The following NYAP2 variants were observed in gnomAD, a reference collection of about 807,000 sequenced individuals.
The protein encoded by NYAP2 is neuronal tyrosine-phosphorylated phosphoinositide-3-kinase adapter 2.
In NYAP2, 23 loss-of-function variants were observed where a neutral mutation model predicts 50.4. The ratio of observed to expected loss-of-function variants is 0.46; its 90% CI spans 0.33 to 0.65. NYAP2 has a LOEUF of 0.65. NYAP2 is among the 30% of genes least tolerant of loss of function. NYAP2 has a pLI of 0.02. For missense variants in NYAP2, 885 were observed against 861.0 expected (o/e 1.03, Z -0.35); for synonymous variants, 394 against 365.2 (o/e 1.08, Z -0.90).
chr2:225,622,110 C>T (rs1021016608), intron 5 of NYAP2, among the ~76,000 whole-genome samples: 3 of 152,204 alleles, frequency 2.0e-5, no homozygotes, highest in Non-Finnish European at 4.4e-5. Context: ...CAGCTCACTG[C>T]AGCCTCGACC....
chr2:225,459,546 AT>A (rs1689790930), intron 3 of NYAP2, among the ~76,000 whole-genome samples: 2 of 152,240 alleles, frequency 1.3e-5, no homozygotes, highest in African/African-American at 4.8e-5. Context: ...AAATTGAATA[AT>A]TAAGCATATA....
At chr2:225,459,839 A>AT (rs575524310) in intron 3 of NYAP2, among the ~76,000 whole-genome samples, 210 of 151,766 alleles carry the variant, frequency 1.4e-3, no homozygotes, top group Non-Finnish European at 2.4e-3. Flanking sequence ...CGCCTGGCTA[A>AT]TTTTTTTGTG....
intron 3 of NYAP2, among the ~76,000 whole-genome samples, chr2:225,417,948 C>T (rs957994519): frequency 2.0e-5 from 3 of 150,928 alleles, no homozygotes; most frequent in Non-Finnish European, 4.4e-5. Flanking sequence ...GTGGAGAAGG[C>T]AGACAAAAAA....
chr2:225,695,787 C>G, the NYAP2 span, among the ~76,000 whole-genome samples: 377 of 151,980 alleles, frequency 2.5e-3, 2 homozygotes, highest in Non-Finnish European at 4.6e-3. Flanking sequence ...GGAACACAAA[C>G]TTATTCATTA....
rs554987271 is a variant in NYAP2 at position 225,601,301 on chromosome 2, A to T, written c.1618+18266A>T. Among the ~76,000 whole-genome samples, 18 of 152,008 alleles carry T rather than the reference A, an allele frequency of 1.2e-4. No homozygotes were observed. In the East Asian group the frequency reaches 3.5e-3, roughly 30 times the overall value. ...ACGACCAGCTAATTTTTGTATTTTT[A>T]GTAGAGACGGGGTTTCACCATGCTG... On this transcript the variant is annotated intron_variant, in intron 5 of 6. Coordinates refer to ENST00000636099, the Ensembl canonical transcript of NYAP2.
intron 4 of NYAP2, among the ~76,000 whole-genome samples, chr2:225,559,022 G>T (rs753463628): frequency 6.6e-6 from 1 of 152,080 alleles, no homozygotes; most frequent in Non-Finnish European, 1.5e-5. Context: ...ACAACCTGGA[G>T]AAATTGTTTT....
At chr2:225,694,465 A>G in the NYAP2 span, among the ~76,000 whole-genome samples, 6 of 152,088 alleles carry the variant, frequency 3.9e-5, no homozygotes, top group South Asian at 1.2e-3. Context: ...ACATCTTACT[A>G]TCAACAAAAA....
chr2:225,616,659 T>A (rs1451321368), intron 5 of NYAP2, among the ~76,000 whole-genome samples: 1 of 152,130 alleles, frequency 6.6e-6, no homozygotes, highest in Non-Finnish European at 1.5e-5. Flanking sequence ...AAATTAAAGA[T>A]TTTCAGAATT....
the NYAP2 span, among the ~76,000 whole-genome samples, chr2:225,688,755 A>G: frequency 1.3e-5 from 2 of 152,018 alleles, no homozygotes; most frequent in Non-Finnish European, 2.9e-5. Context: ...TTGTCTGTCT[A>G]TTTTTGAGAT....
intron 3 of NYAP2, among the ~76,000 whole-genome samples, chr2:225,477,653 A>G (rs978498238): frequency 2.0e-4 from 31 of 152,270 alleles, no homozygotes; most frequent in Admixed American, 1.8e-3. Flanking sequence ...ATAAGAGTCA[A>G]TCTTCTTCTC....
intron 4 of NYAP2, among the ~76,000 whole-genome samples, chr2:225,559,334 G>A (rs535688815): frequency 2.1e-3 from 229 of 110,610 alleles, no homozygotes; most frequent in African/African-American, 7.4e-3. Flanking sequence ...TTAAATGAAG[G>A]CATTGTACAA....
chr2:225,645,647 G>T (rs1277278764), intron 6 of NYAP2, among the ~76,000 whole-genome samples: 1 of 152,178 alleles, frequency 6.6e-6, no homozygotes, highest in Non-Finnish European at 1.5e-5. Flanking sequence ...GACTTAGGAA[G>T]AACAAGTGCC....
chr2:225,457,196 C>T, intron 3 of NYAP2, among the ~76,000 whole-genome samples: 1 of 152,192 alleles, frequency 6.6e-6, no homozygotes, highest in East Asian at 1.9e-4. Flanking sequence ...TATAATATCG[C>T]TGTCATGTGC....
intron 3 of NYAP2, among the ~76,000 whole-genome samples, chr2:225,439,785 G>T (rs2106139806): frequency 6.6e-6 from 1 of 152,196 alleles, no homozygotes; most frequent in Non-Finnish European, 1.5e-5. Flanking sequence ...CCTGAGATTG[G>T]GTAATTTATT....
At chr2:225,692,536 C>T in the NYAP2 span, among the ~76,000 whole-genome samples, 1 of 152,010 alleles carries the variant, frequency 6.6e-6, no homozygotes, top group Admixed American at 6.6e-5. Flanking sequence ...AGCTCTCTGC[C>T]TCCTACAACC....
At chr2:225,562,028 G>T (rs1222211895) in intron 4 of NYAP2, among the ~76,000 whole-genome samples, 1 of 152,102 alleles carries the variant, frequency 6.6e-6, no homozygotes, top group Non-Finnish European at 1.5e-5. Context: ...GTTAAGAAAA[G>T]CTCACTGAAA....
intron 3 of NYAP2, among the ~76,000 whole-genome samples, chr2:225,462,467 C>A (rs936395503): frequency 3.3e-5 from 5 of 152,160 alleles, no homozygotes; most frequent in African/African-American, 1.2e-4. Context: ...TGACCAAATG[C>A]ACCCACCCAG....
chr2:225,431,234 T>C (rs538578128), intron 3 of NYAP2, among the ~76,000 whole-genome samples: 6 of 152,394 alleles, frequency 3.9e-5, no homozygotes, highest in Non-Finnish European at 8.8e-5. Flanking sequence ...TTTAATCCAC[T>C]TGGATCAAAT....
At chr2:225,606,275 A>G (rs1692785621) in intron 5 of NYAP2, among the ~76,000 whole-genome samples, 1 of 152,142 alleles carries the variant, frequency 6.6e-6, no homozygotes, top group African/African-American at 2.4e-5. Flanking sequence ...CCCAGATCAA[A>G]GTGTCCAGAG....
Sources: allele counts gnomAD v4.1 joint callset (sites outside exome capture counted in the v4.1 genomes callset), GRCh38; gene constraint gnomAD v4.1.1; transcripts MANE v1.5; gene names NCBI Gene and HGNC (gene_info 2026-07-23, HGNC 2026-07-21).